The following DTL variants were observed in gnomAD, a reference collection of about 807,000 sequenced individuals.
The protein encoded by DTL is denticleless E3 ubiquitin protein ligase adapter, also known as denticleless protein homolog.
DTL carries 46 observed loss-of-function variants against 87.0 expected under a neutral mutation model. That is an observed-to-expected ratio of 0.53 (90% CI 0.42 to 0.68). The LOEUF (loss-of-function observed/expected upper bound fraction) is 0.68, where lower values mean the gene tolerates loss of function less well. DTL is among the 30% of genes least tolerant of loss of function. DTL has a pLI of 0.00. For synonymous variants in DTL, 308 were observed against 311.2 expected (o/e 0.99, Z 0.11); for missense variants, 737 against 869.4 (o/e 0.85, Z 1.91).
chr1:212,047,087 A>G, intron 3 of DTL, 64 bp from the exon 4 acceptor site: 1 of 1,456,270 alleles, frequency 6.9e-7, no homozygotes, highest in Middle Eastern at 1.9e-4. Context: ...ATTTAAAGTT[A>G]TATTAATATG....
At chr1:212,077,487 A>G (rs1265808587) in intron 11 of DTL, 1 of 152,498 alleles carries the variant, frequency 6.6e-6, no homozygotes, top group Non-Finnish European at 1.5e-5. Context: ...ATAGTTTTAG[A>G]GGAAAAAAAT....
At chr1:212,045,596 T>A (rs1003962181) in intron 3 of DTL, among the ~76,000 whole-genome samples, 12 of 152,058 alleles carry the variant, frequency 7.9e-5, no homozygotes, top group Non-Finnish European at 1.8e-4. Context: ...GAAAACACAC[T>A]GGTGTCAAAG....
intron 5 of DTL, among the ~76,000 whole-genome samples, chr1:212,059,269 C>G (rs1668266827): frequency 1.3e-5 from 2 of 151,178 alleles, no homozygotes; most frequent in African/African-American, 4.9e-5. Flanking sequence ...AAATCCTCAA[C>G]AGAATACTAG....
At chr1:212,063,291 T>C (rs1654390834) in intron 6 of DTL, among the ~76,000 whole-genome samples, 2 of 149,758 alleles carry the variant, frequency 1.3e-5, no homozygotes, top group African/African-American at 4.9e-5. Context: ...TATTTTATTA[T>C]TATTATTTTT....
intron 14 of DTL, 85 bp downstream of exon 14, chr1:212,101,169 T>TC (rs1373239758): frequency 9.4e-7 from 1 of 1,062,996 alleles, no homozygotes; most frequent in Non-Finnish European, 1.3e-6. Flanking sequence ...TGCTTTTTTT[T>TC]TTTTTTAAAG....
intron 13 of DTL, among the ~76,000 whole-genome samples, chr1:212,093,723 C>G (rs1016568648): frequency 6.6e-6 from 1 of 152,216 alleles, no homozygotes; most frequent in Non-Finnish European, 1.5e-5. Flanking sequence ...TTCCTCACAA[C>G]ATCCAGCCAC....
intron 13 of DTL, among the ~76,000 whole-genome samples, chr1:212,086,860 A>C (rs1178711013): frequency 6.6e-6 from 1 of 152,202 alleles, no homozygotes; most frequent in Non-Finnish European, 1.5e-5. Context: ...CATTAAAATA[A>C]GATTCCCAAA....
At chr1:212,048,417 T>G (rs1667867880) in intron 5 of DTL, among the ~76,000 whole-genome samples, 1 of 152,150 alleles carries the variant, frequency 6.6e-6, no homozygotes, top group Non-Finnish European at 1.5e-5. Flanking sequence ...GATCTTGAAC[T>G]CCTGACCTCG....
chr1:212,051,245 A>G (rs981863199), intron 5 of DTL, among the ~76,000 whole-genome samples: 2 of 151,922 alleles, frequency 1.3e-5, no homozygotes, highest in Admixed American at 6.6e-5. Context: ...TGAACCCACA[A>G]TTCCTCCCTG....
At chr1:212,071,089 A>C (rs184700128) in intron 10 of DTL, among the ~76,000 whole-genome samples, 124 of 152,344 alleles carry the variant, frequency 8.1e-4, no homozygotes, top group African/African-American at 2.9e-3. Context: ...TTTCACAGTA[A>C]AAATGTCTGA....
At chr1:212,042,914 A>T in intron 1 of DTL, 79 bp from the exon 2 acceptor site, 2 of 1,387,066 alleles carry the variant, frequency 1.4e-6, no homozygotes, top group African/African-American at 2.9e-5. Flanking sequence ...CTTAAGGACA[A>T]ATATTTACCT....
rs150390472 is a variant in DTL, at chr1:212,100,606, C to T, written c.1616C>T (p.Ser539Phe). The change falls in exon 14 of 15, where the codon TCC becomes TTC. Residue 539 changes from serine (S) to phenylalanine (F), a missense_variant. Ser to Phe is a radical substitution (Grantham distance 155). Coordinates refer to ENST00000366991, the MANE Select transcript of DTL (RefSeq NM_016448.4). The part of the protein sequence containing the change: ...KALIPVSQKS[S>F]QAEACSESRN... ...CTTATTCCTGTGAGCCAGAAGTCAT[C>T]CCAAGCAGAGGCTTGCTCTGAGTCT... The T allele has an allele frequency of 2.2e-5, 35 of 1,614,006 alleles. No individual in the cohort carries two copies. The highest frequency in any genetic ancestry group is 1.6e-4 in the Middle Eastern group (1 of 6,062).
intron 7 of DTL, among the ~76,000 whole-genome samples, chr1:212,066,418 A>G (rs1412791173): frequency 6.6e-6 from 1 of 152,202 alleles, no homozygotes; most frequent in Non-Finnish European, 1.5e-5. Context: ...TCTTTTATTC[A>G]TAATTCTTTT....
intron 5 of DTL, among the ~76,000 whole-genome samples, chr1:212,048,142 A>T (rs1667860339): frequency 6.6e-6 from 1 of 152,078 alleles, no homozygotes; most frequent in Admixed American, 6.5e-5. Flanking sequence ...ATTTTTTTCT[A>T]CCTAAAAATT....
At chr1:212,065,948 TC>T (rs1654484683) in intron 7 of DTL, among the ~76,000 whole-genome samples, 3 of 152,024 alleles carry the variant, frequency 2.0e-5, no homozygotes, top group South Asian at 4.1e-4. Context: ...CTCGTGAGCC[TC>T]CCAAAGTGCT....
chr1:212,095,872 G>A (rs756856003), intron 13 of DTL, among the ~76,000 whole-genome samples: 2 of 152,164 alleles, frequency 1.3e-5, no homozygotes, highest in Non-Finnish European at 2.9e-5. Context: ...TGGTATTAGA[G>A]TGATACTGGC....
chr1:212,084,193 CTTTTTTTCTTTTCTT>C (rs1655063607), intron 13 of DTL, among the ~76,000 whole-genome samples: 2 of 102,978 alleles, frequency 1.9e-5, no homozygotes, highest in Non-Finnish European at 2.0e-5. Context: ...TTTTTAATTT[CTTTTTTTCTTTTCTT>C]TTTTTTTTTT....
In DTL at chr1:212,068,231, A is replaced by AC. The variant is rs766971079; in HGVS notation, c.721_722insC (p.Lys241ThrfsTer7). 1.2e-6 allele frequency: 2 copies of AC among 1,600,078 alleles called. No individual in the cohort carries two copies. Among genetic ancestry groups the AC allele is most frequent in the South Asian group, 2.3e-5 (2 of 87,986 alleles). On this transcript the variant is annotated frameshift_variant, in exon 9 of 15. Transcript: ENST00000366991. LOFTEE classifies it high-confidence loss of function. ...ATTTGCCTTGGTTTTTAGGATAATC[A>AC]AAGTATGGGATTTACGTAAGAATTA...
At chr1:212,036,460 C>T (rs1667465999) in intron 1 of DTL, among the ~76,000 whole-genome samples, 1 of 152,152 alleles carries the variant, frequency 6.6e-6, no homozygotes, top group Admixed American at 6.5e-5. Context: ...GTTTACTACA[C>T]GGTCATAAAA....
Sources: allele counts gnomAD v4.1 joint callset (sites outside exome capture counted in the v4.1 genomes callset), GRCh38; gene constraint gnomAD v4.1.1; transcripts MANE v1.5; gene names NCBI Gene and HGNC (gene_info 2026-07-23, HGNC 2026-07-21).